The following THSD4 variants were observed in gnomAD, a reference collection of about 807,000 sequenced individuals.
THSD4 encodes thrombospondin type 1 domain containing 4, also known as thrombospondin type-1 domain-containing protein 4.
Under a neutral mutation model 119.0 loss-of-function variants are expected in THSD4, and 69 were observed. The observed-to-expected ratio is 0.58, with a 90% confidence interval of 0.48 to 0.71. The LOEUF is 0.71. THSD4 is among the 30% of genes least tolerant of loss of function. The pLI is 0.00. For synonymous variants in THSD4, 524 were observed against 540.4 expected (o/e 0.97, Z 0.42); for missense variants, 1,393 against 1,391.1 (o/e 1.00, Z -0.02).
chr15:71,726,937 CAAA>C (rs796495334), intron 8 of THSD4, among the ~76,000 whole-genome samples: 1 of 128,872 alleles, frequency 7.8e-6, no homozygotes, highest in African/African-American at 2.8e-5. Flanking sequence ...AACGCCATCT[CAAA>C]AAAAAAAAAA....
At chr15:71,471,876 A>C (rs151278851) in intron 7 of THSD4, among the ~76,000 whole-genome samples, 1 of 152,092 alleles carries the variant, frequency 6.6e-6, no homozygotes, top group Non-Finnish European at 1.5e-5. Context: ...TTGAATCCCA[A>C]CTTGGCCACA....
intron 7 of THSD4, among the ~76,000 whole-genome samples, chr15:71,580,133 T>C (rs1392025604): frequency 1.3e-5 from 2 of 152,154 alleles, no homozygotes; most frequent in Admixed American, 6.5e-5. Context: ...ATAGATGTCA[T>C]GCTAGGATAG....
chr15:71,317,172 A>T (rs117986934), intron 6 of THSD4, among the ~76,000 whole-genome samples: 2 of 152,212 alleles, frequency 1.3e-5, no homozygotes, highest in Non-Finnish European at 2.9e-5. Context: ...CCTCTGAAAC[A>T]TATTTGTGAT....
chr15:71,520,114 T>G (rs1042428277), intron 7 of THSD4, among the ~76,000 whole-genome samples: 2 of 152,162 alleles, frequency 1.3e-5, no homozygotes, highest in Non-Finnish European at 2.9e-5. Context: ...CCATATCACA[T>G]AGGAAACTGA....
intron 6 of THSD4, among the ~76,000 whole-genome samples, chr15:71,402,991 C>G (rs1435722791): frequency 1.3e-5 from 2 of 152,198 alleles, no homozygotes; most frequent in African/African-American, 4.8e-5. Context: ...CTTCATGTCT[C>G]AATATCTTGA....
chr15:71,497,500 G>A (rs75981393), intron 7 of THSD4, among the ~76,000 whole-genome samples: 17,942 of 143,920 alleles, frequency 0.12, 1,349 homozygotes, highest in Middle Eastern at 0.28. Flanking sequence ...GTGATAGAGC[G>A]AGACTCCATC....
chr15:71,434,462 T>TTTA (rs1555413343), intron 7 of THSD4, among the ~76,000 whole-genome samples: 5 of 124,892 alleles, frequency 4.0e-5, no homozygotes, highest in Middle Eastern at 4.5e-3. Context: ...TTTTTTTTTT[T>TTTA]AATTTCTGAA....
chr15:71,682,983 C>T (rs765921442), intron 8 of THSD4, among the ~76,000 whole-genome samples: 9 of 139,148 alleles, frequency 6.5e-5, no homozygotes, highest in Non-Finnish European at 1.1e-4. Context: ...TGCAGTGGTG[C>T]AATCATGGCT....
At chr15:71,485,191 A>G (rs771694929) in intron 7 of THSD4, among the ~76,000 whole-genome samples, 1 of 152,060 alleles carries the variant, frequency 6.6e-6, no homozygotes, top group Non-Finnish European at 1.5e-5. Context: ...CCACATCTGT[A>G]TATGTATTTC....
Position 71,660,670 on chromosome 15 carries a change from G to C in THSD4, c.1293G>C (p.Val431=). The stretch of plus-strand genomic sequence containing the variant: ...CCAGCCTGGGCTACCACCGCGTCGT[G>C]GAGATTCCCGAGGGAGCCACGAAAA... The part of the protein sequence containing the change: ...ALTSLGYHRV[V]EIPEGATKIN... The change falls in exon 8 of 18, where the codon GTG becomes GTC. Residue 431 remains valine (V), a synonymous_variant. Transcript: ENST00000261862. The C allele has an allele frequency of 6.2e-7, 1 of 1,614,154 alleles. No individual in the cohort carries two copies. The highest frequency in any genetic ancestry group is 8.5e-7 in the Non-Finnish European group (1 of 1,180,018).
chr15:71,486,804 G>C (rs1487368777), intron 7 of THSD4, among the ~76,000 whole-genome samples: 3 of 152,120 alleles, frequency 2.0e-5, no homozygotes, highest in Non-Finnish European at 4.4e-5. Flanking sequence ...GTGTGAGCTA[G>C]TGCAGCAGGG....
At chr15:71,365,453 G>A (rs915141643) in intron 6 of THSD4, among the ~76,000 whole-genome samples, 2 of 152,050 alleles carry the variant, frequency 1.3e-5, no homozygotes, top group East Asian at 3.9e-4. Flanking sequence ...CTGTCTTTCT[G>A]CCTGCTTGAG....
chr15:71,312,866 C>T (rs1191545076), intron 6 of THSD4, among the ~76,000 whole-genome samples: 3 of 152,158 alleles, frequency 2.0e-5, no homozygotes, highest in African/African-American at 7.2e-5. Flanking sequence ...CTGATTGTCC[C>T]TCCCTGCAAG....
chr15:71,283,185 G>T (rs2140316205), intron 6 of THSD4, among the ~76,000 whole-genome samples: 1 of 152,200 alleles, frequency 6.6e-6, no homozygotes, highest in Non-Finnish European at 1.5e-5. Context: ...TAGCCGGGAT[G>T]GTCTCCATCT....
In THSD4 at chr15:71,594,088, C is replaced by T. The variant is rs149320889; in HGVS notation, c.1153-66442C>T. On this transcript the variant is annotated intron_variant, in intron 7 of 17. Transcript: ENST00000261862. ...AGCTGCACAATGGTGCTGAATGCAG[C>T]TCAGCATGGGGGTTGCCTTTTCCTG... 2.9e-3 allele frequency among the ~76,000 whole-genome samples: 435 copies of T among 152,208 alleles called. 5 individuals carry two copies. The highest frequency in any genetic ancestry group is 0.01 in the African/African-American group (417 of 41,546).
chr15:71,456,070 G>A (rs572406886), intron 7 of THSD4, among the ~76,000 whole-genome samples: 4 of 152,246 alleles, frequency 2.6e-5, no homozygotes, highest in Admixed American at 2.0e-4. Context: ...CCCCTCTTAC[G>A]AATGGCAAAG....
At chr15:71,184,827 T>A (rs537253152) in intron 3 of THSD4, among the ~76,000 whole-genome samples, 16 of 151,962 alleles carry the variant, frequency 1.1e-4, no homozygotes, top group African/African-American at 3.6e-4. Context: ...CCTCACGCTG[T>A]CCTGAAATGT....
chr15:71,347,499 A>G (rs1596355615), intron 6 of THSD4, among the ~76,000 whole-genome samples: 1 of 152,090 alleles, frequency 6.6e-6, no homozygotes, highest in Non-Finnish European at 1.5e-5. Flanking sequence ...CTTTCTATCT[A>G]TATACATTTA....
At chr15:71,453,477 C>T (rs560524134) in intron 7 of THSD4, among the ~76,000 whole-genome samples, 13 of 152,260 alleles carry the variant, frequency 8.5e-5, no homozygotes, top group African/African-American at 1.9e-4. Context: ...CTGCCACAAA[C>T]GAATAATACA....
Sources: gnomAD v4.1 joint callset for allele counts (sites outside exome capture counted in the v4.1 genomes callset) on GRCh38, gnomAD v4.1.1 for gene constraint, MANE v1.5 for transcripts, NCBI Gene and HGNC (gene_info 2026-07-23, HGNC 2026-07-21) for gene names.